The following BAIAP2L1 variants were observed in gnomAD, a reference collection of about 807,000 sequenced individuals.
BAIAP2L1 encodes the protein BAR/IMD domain-containing adapter protein 2-like 1.
Under a neutral mutation model 66.3 loss-of-function variants are expected in BAIAP2L1, and 35 were observed. The observed-to-expected ratio is 0.53, with a 90% CI of 0.40 to 0.70. The LOEUF is 0.70. BAIAP2L1 is among the 30% of genes least tolerant of loss of function. The probability of loss-of-function intolerance (pLI) is 0.00; values close to 1 mark genes in which losing one functional copy is unlikely to be tolerated. For missense variants in BAIAP2L1, 622 were observed against 656.9 expected (o/e 0.95, Z 0.58); for synonymous variants, 269 against 248.7 (o/e 1.08, Z -0.77).
At chr7:98,370,527 CAG>C (rs1238774179) in intron 1 of BAIAP2L1, among the ~76,000 whole-genome samples, 1 of 151,680 alleles carries the variant, frequency 6.6e-6, no homozygotes, top group East Asian at 1.9e-4. Context: ...TTTTTTGAGA[CAG>C]AGTCTCGCAC....
chr7:98,335,785 A>G lies in BAIAP2L1; in HGVS notation c.215-15487T>C, dbSNP rs551519323. ...GATGCCCCTGAAGGACCACCGGGAC[A>G]CCTTCCCTCAGCTTCAGTCCCATTC... On this transcript the variant is annotated intron_variant, in intron 3 of 13. Transcript: ENST00000005260. 1.1e-3 allele frequency among the ~76,000 whole-genome samples: 171 copies of G among 152,228 alleles called. 1 individual carries two copies. Among genetic ancestry groups the G allele is most frequent in the Non-Finnish European group, 1.7e-3 (117 of 67,994 alleles).
In BAIAP2L1 at chr7:98,331,427, T is replaced by C. The variant is rs187192081; in HGVS notation, c.215-11129A>G. ...AAATACTAGAAAATCTGCACCTTGG[T>C]ATACATATTCAAACTGTAGACTAGC... On this transcript the variant is annotated intron_variant, in intron 3 of 13. Transcript: ENST00000005260. 2.7e-4 allele frequency among the ~76,000 whole-genome samples: 41 copies of C among 151,050 alleles called. 1 individual carries two copies. In the East Asian group the frequency reaches 7.2e-3, roughly 27 times the overall value.
At position 98,375,040 on chromosome 7, in the gene BAIAP2L1, T is replaced by C. The variant is rs201940236; in HGVS notation, c.52-12608A>G. Among the ~76,000 whole-genome samples the C allele has an allele frequency of 6.6e-5, 10 of 152,080 alleles. No homozygotes were observed. In the East Asian group the frequency reaches 1.5e-3, roughly 24 times the overall value. On this transcript the variant is annotated intron_variant, in intron 1 of 13. Transcript: ENST00000005260. Reference sequence around the variant, plus strand: ...AGGCGGAGGTTTCAATGAGCCGAGATTGTGCCATTGCACTCCAGCTTGGGT... The same window carrying C: ...AGGCGGAGGTTTCAATGAGCCGAGACTGTGCCATTGCACTCCAGCTTGGGT...
At chr7:98,354,923 G>A in intron 3 of BAIAP2L1, 119 bp downstream of exon 3, 2 of 756,548 alleles carry the variant, frequency 2.6e-6, no homozygotes, top group Non-Finnish European at 4.6e-6. Context: ...CGGTGAAGTA[G>A]AACCACAGCA....
chr7:98,379,117 G>A (rs143050091), intron 1 of BAIAP2L1, among the ~76,000 whole-genome samples: 2,072 of 152,096 alleles, frequency 0.014, 17 homozygotes, highest in Non-Finnish European at 0.02. Flanking sequence ...GACCTCAGGC[G>A]ATCCGCCCGC....
chr7:98,342,939 T>C (rs779120888), intron 3 of BAIAP2L1, among the ~76,000 whole-genome samples: 13 of 151,864 alleles, frequency 8.6e-5, no homozygotes, highest in African/African-American at 2.2e-4. Flanking sequence ...TGTGCTGCCT[T>C]GAACTGAACT....
At chr7:98,344,678 G>A (rs1221423956) in intron 3 of BAIAP2L1, among the ~76,000 whole-genome samples, 1 of 152,228 alleles carries the variant, frequency 6.6e-6, no homozygotes, top group Non-Finnish European at 1.5e-5. Context: ...GCTCACGCCT[G>A]TAATCCAGCA....
At chr7:98,376,006 T>TA (rs1380271207) in intron 1 of BAIAP2L1, among the ~76,000 whole-genome samples, 1 of 152,188 alleles carries the variant, frequency 6.6e-6, no homozygotes, top group South Asian at 2.1e-4. Context: ...CTTTGTGTGT[T>TA]AAAAAATACT....
intron 1 of BAIAP2L1, among the ~76,000 whole-genome samples, chr7:98,384,252 G>A (rs1459130861): frequency 6.6e-6 from 1 of 151,852 alleles, no homozygotes; most frequent in Non-Finnish European, 1.5e-5. Flanking sequence ...TCACAGAGAC[G>A]TGGTGAAAAT....
chr7:98,295,742 C>T (rs1408866229), intron 12 of BAIAP2L1, among the ~76,000 whole-genome samples: 2 of 152,114 alleles, frequency 1.3e-5, no homozygotes, highest in Non-Finnish European at 2.9e-5. Context: ...AACTAGAAAC[C>T]AGAAACACCC....
intron 6 of BAIAP2L1, 39 bp downstream of exon 6, chr7:98,317,180 C>T: frequency 6.3e-7 from 1 of 1,582,300 alleles, no homozygotes; most frequent in Non-Finnish European, 8.7e-7. Context: ...TGCAAATTGT[C>T]AACAACAAAA....
intron 3 of BAIAP2L1, among the ~76,000 whole-genome samples, chr7:98,348,168 GTCATTT>G (rs1801918009): frequency 6.6e-6 from 1 of 151,994 alleles, no homozygotes; most frequent in South Asian, 2.1e-4. Context: ...GAATAAAAGA[GTCATTT>G]CAAAGATACA....
intron 12 of BAIAP2L1, among the ~76,000 whole-genome samples, chr7:98,302,137 G>A (rs1443936290): frequency 6.6e-6 from 1 of 152,236 alleles, no homozygotes; most frequent in Non-Finnish European, 1.5e-5. Context: ...TAAGTAAGGA[G>A]GAATCTGTCA....
chr7:98,329,799 T>C (rs1264180600), intron 3 of BAIAP2L1, among the ~76,000 whole-genome samples: 1 of 152,032 alleles, frequency 6.6e-6, no homozygotes. Context: ...CACAGGGATT[T>C]AAACATAAGA....
intron 2 of BAIAP2L1, among the ~76,000 whole-genome samples, chr7:98,362,150 A>G (rs1019045461): frequency 1.3e-5 from 2 of 152,214 alleles, no homozygotes; most frequent in African/African-American, 4.8e-5. Flanking sequence ...GACATCACTT[A>G]GAGTACCCTC....
At chr7:98,366,162 G>A (rs764897832) in intron 1 of BAIAP2L1, among the ~76,000 whole-genome samples, 5 of 152,074 alleles carry the variant, frequency 3.3e-5, no homozygotes, top group South Asian at 2.1e-4. Context: ...GTCAGCTTTC[G>A]CAGTCAGGAA....
At chr7:98,352,880 C>T (rs1029949823) in intron 3 of BAIAP2L1, among the ~76,000 whole-genome samples, 2 of 152,058 alleles carry the variant, frequency 1.3e-5, no homozygotes, top group Admixed American at 6.6e-5. Flanking sequence ...AAAAGGCAAA[C>T]TGGGTGTGGT....
At chr7:98,348,569 C>CAAAAAAAAAAAAAA (rs752966671) in intron 3 of BAIAP2L1, among the ~76,000 whole-genome samples, 1 of 109,854 alleles carries the variant, frequency 9.1e-6, no homozygotes, top group Non-Finnish European at 1.8e-5. Context: ...TCTGCCTCCA[C>CAAAAAAAAAAAAAA]AAAAAAAAAA....
intron 3 of BAIAP2L1, among the ~76,000 whole-genome samples, chr7:98,323,915 T>G (rs892642051): frequency 6.6e-6 from 1 of 152,204 alleles, no homozygotes; most frequent in African/African-American, 2.4e-5. Flanking sequence ...AGAAGTTTCA[T>G]CTTAAATAGA....
Sources: allele counts gnomAD v4.1 joint callset (sites outside exome capture counted in the v4.1 genomes callset), GRCh38; gene constraint gnomAD v4.1.1; transcripts MANE v1.5; gene names NCBI Gene and HGNC (gene_info 2026-07-23, HGNC 2026-07-21).